SLC17A1: variants seen among roughly 807,000 people sequenced by gnomAD.
SLC17A1 encodes the protein solute carrier family 17 member 1.
In SLC17A1, 51 loss-of-function variants were observed where a neutral mutation model predicts 53.5. That is an observed-to-expected ratio of 0.95 (90% CI 0.76 to 1.20). The LOEUF is 1.20. SLC17A1 is among the 50% of genes most tolerant of loss of function. SLC17A1 has a pLI of 0.00. For missense variants in SLC17A1, 538 were observed against 568.2 expected, an observed-to-expected ratio of 0.95 and a Z score of 0.54; for synonymous variants, 179 against 198.8, an observed-to-expected ratio of 0.90 and a Z score of 0.84.
At chr6:25,804,027 C>T (rs927928174) in intron 10 of SLC17A1, among the ~76,000 whole-genome samples, 5 of 152,130 alleles carry the variant, frequency 3.3e-5, no homozygotes, top group African/African-American at 1.2e-4. Flanking sequence ...ATACTTTTCA[C>T]ATACGTATAT....
chr6:25,753,390 G>T, the SLC17A1 span, among the ~76,000 whole-genome samples: 1 of 152,068 alleles, frequency 6.6e-6, no homozygotes, highest in South Asian at 2.1e-4. Context: ...AGGTTCTCTG[G>T]GAAGGCTTTG....
downstream of SLC17A1, among the ~76,000 whole-genome samples, chr6:25,781,793 C>G (rs1183537425): frequency 2.0e-5 from 3 of 152,114 alleles, no homozygotes; most frequent in Admixed American, 1.3e-4. Context: ...GGGATTCACC[C>G]TTATGACACA....
the SLC17A1 span, among the ~76,000 whole-genome samples, chr6:25,728,342 G>C: frequency 2.2e-3 from 340 of 152,120 alleles, 1 homozygote; most frequent in Non-Finnish European, 3.1e-3. Context: ...ACTGGTTGTT[G>C]GACTCCATCT....
chr6:25,768,908 C>A, the SLC17A1 span: 1 of 1,309,334 alleles, frequency 7.6e-7, no homozygotes, highest in Non-Finnish European at 1.1e-6. Context: ...AGATACCAAT[C>A]TTCTCCTTCT....
At chr6:25,777,757 C>A in the SLC17A1 span, 4 of 589,180 alleles carry the variant, frequency 6.8e-6, no homozygotes, top group Non-Finnish European at 1.2e-5. Context: ...CAGGTTTCAC[C>A]AAGGCTTACA....
chr6:25,794,269 C>T (rs961258184), intron 12 of SLC17A1, among the ~76,000 whole-genome samples: 1 of 152,184 alleles, frequency 6.6e-6, no homozygotes, highest in Non-Finnish European at 1.5e-5. Flanking sequence ...ACAAACTGTT[C>T]ACTAGGATAG....
chr6:25,815,338 AAACCACAGATATAGG>A (rs1161119709), intron 6 of SLC17A1, among the ~76,000 whole-genome samples: 4 of 152,054 alleles, frequency 2.6e-5, no homozygotes, highest in Admixed American at 2.6e-4. Flanking sequence ...AATAAACCTC[AAACCACAGATATAGG>A]AAGCCCAGAG....
At chr6:25,742,512 CAAA>C in the SLC17A1 span, among the ~76,000 whole-genome samples, 24 of 127,154 alleles carry the variant, frequency 1.9e-4, no homozygotes, top group African/African-American at 6.5e-4. Context: ...AAAAACAATA[CAAA>C]AAAAAAAAAA....
intron 2 of SLC17A1, among the ~76,000 whole-genome samples, chr6:25,827,199 A>G (rs981946243): frequency 3.3e-5 from 5 of 152,286 alleles, no homozygotes; most frequent in Non-Finnish European, 7.4e-5. Context: ...TAAATGTACT[A>G]ATGCAATCCA....
chr6:25,781,156 C>T (rs1763257458), downstream of SLC17A1: 1 of 144,284 alleles, frequency 6.9e-6, no homozygotes, highest in Non-Finnish European at 1.5e-5. Context: ...ATTTAATGGT[C>T]AGCTGGAGGA....
chr6:25,810,930 G>A (rs1561834629), intron 10 of SLC17A1, among the ~76,000 whole-genome samples: 1 of 152,112 alleles, frequency 6.6e-6, no homozygotes, highest in Non-Finnish European at 1.5e-5. Flanking sequence ...GCCTAAAAAT[G>A]AAGGAAATCA....
chr6:25,727,063 C>T, the SLC17A1 span: 29 of 1,614,206 alleles, frequency 1.8e-5, no homozygotes, highest in South Asian at 9.9e-5. Context: ...CAGGTCCATC[C>T]GGACACTGGC....
chr6:25,758,882 A>T, the SLC17A1 span, among the ~76,000 whole-genome samples: 1 of 151,952 alleles, frequency 6.6e-6, no homozygotes. Flanking sequence ...CTTGAGGTGT[A>T]AACTTAGATT....
the SLC17A1 span, chr6:25,731,736 A>T: frequency 7.6e-7 from 1 of 1,323,152 alleles, no homozygotes; most frequent in Non-Finnish European, 1.0e-6. Context: ...ATTGGCTCTT[A>T]AAAGAGCCTT....
the SLC17A1 span, chr6:25,731,951 A>C: frequency 6.3e-7 from 1 of 1,598,842 alleles, no homozygotes; most frequent in Non-Finnish European, 8.5e-7. Flanking sequence ...CAATGCGCTC[A>C]AAAATGTCAC....
At chr6:25,800,668 T>C (rs552179538) in intron 11 of SLC17A1, among the ~76,000 whole-genome samples, 63 of 152,324 alleles carry the variant, frequency 4.1e-4, no homozygotes, top group African/African-American at 9.9e-4. Flanking sequence ...AATGGGCAAT[T>C]ACTAAAGAGT....
chr6:25,830,732 A>C, intron 1 of SLC17A1, 125 bp from the exon 2 acceptor site: 1 of 532,618 alleles, frequency 1.9e-6, no homozygotes, highest in Non-Finnish European at 3.4e-6. Context: ...AGCAGTGCCC[A>C]TTCACCTCCA....
At chr6:25,831,798 C>G (rs1764959072) in intron 1 of SLC17A1, among the ~76,000 whole-genome samples, 196 bp downstream of exon 1, 3 of 152,248 alleles carry the variant, frequency 2.0e-5, no homozygotes. Flanking sequence ...CCCTGTGAAC[C>G]TCACACTGAT....
the SLC17A1 span, chr6:25,732,601 A>T: frequency 1.0e-6 from 1 of 989,218 alleles, no homozygotes; most frequent in African/African-American, 1.6e-5. Context: ...GCGGTTCTGG[A>T]GTACCTGGCC....
Sources: gnomAD v4.1 joint callset for allele counts (sites outside exome capture counted in the v4.1 genomes callset) on GRCh38, gnomAD v4.1.1 for gene constraint, MANE v1.5 for transcripts, NCBI Gene and HGNC (gene_info 2026-07-23, HGNC 2026-07-21) for gene names.